The following ANKRD6 variants were observed in gnomAD, a reference collection of about 807,000 sequenced individuals.
ANKRD6 encodes the protein ankyrin repeat domain-containing protein 6.
A neutral mutation model predicts 82.3 loss-of-function variants in ANKRD6; 56 were observed. The observed-to-expected ratio is 0.68, with a 90% CI of 0.55 to 0.85. The LOEUF is 0.85. ANKRD6 is among the 40% of genes least tolerant of loss of function. ANKRD6 has a pLI of 0.00. For synonymous variants in ANKRD6, 347 were observed against 352.1 expected (o/e 0.99, Z 0.16); for missense variants, 852 against 907.6 (o/e 0.94, Z 0.79).
chr6:89,623,754 C>T, intron 11 of ANKRD6, 118 bp from the exon 12 acceptor site: 2 of 1,277,530 alleles, frequency 1.6e-6, no homozygotes, highest in South Asian at 1.5e-5. Flanking sequence ...AGTAGGACAC[C>T]ATGAGGTGAA....
At position 89,567,033 on chromosome 6, in the gene ANKRD6, C is replaced by T. The variant is rs1198432705; in HGVS notation, c.57C>T (p.Tyr19=). 2.5e-6 allele frequency: 4 copies of T among 1,607,584 alleles called. No homozygotes were observed. The highest frequency in any genetic ancestry group is 1.3e-5 in the African/African-American group (1 of 74,980). Residue 19 remains tyrosine, a synonymous_variant, in exon 2 of 16, where the codon TAC becomes TAT. Transcript: ENST00000339746. The stretch of plus-strand genomic sequence containing the variant: ...CAGAGCGCCTTCTCGTAGCTGCGTA[C>T]AAAGGCCAAACAGAGAATGTGGTTC... ...ALSERLLVAA[Y]KGQTENVVQL...
At chr6:89,548,131 G>A (rs770180673) in intron 1 of ANKRD6, among the ~76,000 whole-genome samples, 18 of 152,110 alleles carry the variant, frequency 1.2e-4, no homozygotes, top group South Asian at 2.1e-4. Flanking sequence ...GTCAGTCATC[G>A]CCACTAAATC....
chr6:89,527,733 T>G (rs1782677869), intron 1 of ANKRD6, among the ~76,000 whole-genome samples: 1 of 152,134 alleles, frequency 6.6e-6, no homozygotes, highest in South Asian at 2.1e-4. Context: ...GTGGAGGATC[T>G]TACCTCAGTG....
intron 1 of ANKRD6, among the ~76,000 whole-genome samples, chr6:89,525,327 G>T (rs1273137777): frequency 2.0e-5 from 3 of 151,088 alleles, no homozygotes; most frequent in African/African-American, 7.3e-5. Context: ...CTGTGCCCAG[G>T]CTCCCTCCCT....
At chr6:89,508,160 G>A (rs1013442591) in intron 1 of ANKRD6, among the ~76,000 whole-genome samples, 1 of 152,132 alleles carries the variant, frequency 6.6e-6, no homozygotes, top group Admixed American at 6.6e-5. Context: ...TAAACATTTA[G>A]TATTCCGTAC....
At chr6:89,611,454 T>C (rs901182086) in intron 5 of ANKRD6, among the ~76,000 whole-genome samples, 52 of 152,330 alleles carry the variant, frequency 3.4e-4, no homozygotes, top group African/African-American at 1.2e-3. Context: ...TTGTTACTTT[T>C]CTAGGGGTTA....
intron 1 of ANKRD6, among the ~76,000 whole-genome samples, chr6:89,453,946 C>T (rs941082741): frequency 1.3e-5 from 2 of 151,950 alleles, no homozygotes; most frequent in African/African-American, 4.8e-5. Flanking sequence ...GGACTACAGG[C>T]ACCTGCCACC....
chr6:89,570,720 A>G (rs557188505), intron 2 of ANKRD6, among the ~76,000 whole-genome samples: 45 of 152,324 alleles, frequency 3.0e-4, no homozygotes, highest in Non-Finnish European at 6.0e-4. Flanking sequence ...ATGTACCAGA[A>G]TTTCATTCTT....
rs1420839830 is a variant in ANKRD6 at position 89,633,059 on chromosome 6, C to G, written c.*2055C>G. ...TTTGGTGGGAGTATTTTGATTACCT[C>G]CTACCCATCAGAAGCAGGCAGCTAA... On this transcript the variant is annotated 3_prime_UTR_variant, in exon 16 of 16. Coordinates refer to ENST00000339746, the MANE Select transcript of ANKRD6 (RefSeq NM_001242809.2). The G allele has an allele frequency of 6.6e-6, 1 of 152,206 alleles. No individual in the cohort carries two copies. The highest frequency in any genetic ancestry group is 2.4e-5 in the African/African-American group (1 of 41,450). 9.4% of individuals were successfully genotyped at this position (152,206 alleles called of 1,614,324 possible).
chr6:89,496,179 C>CCG (rs1778598287), intron 1 of ANKRD6, among the ~76,000 whole-genome samples: 1 of 151,404 alleles, frequency 6.6e-6, no homozygotes, highest in Admixed American at 6.6e-5. Context: ...CCACACTGCC[C>CCG]CCCCCCCCAC....
chr6:89,560,578 C>T (rs951442594), intron 1 of ANKRD6, among the ~76,000 whole-genome samples: 3 of 152,178 alleles, frequency 2.0e-5, no homozygotes, highest in South Asian at 4.1e-4. Flanking sequence ...AATCCCAGCA[C>T]TTTGGGAGGC....
intron 2 of ANKRD6, among the ~76,000 whole-genome samples, chr6:89,568,607 C>T (rs986012121): frequency 1.3e-5 from 2 of 151,900 alleles, no homozygotes; most frequent in African/African-American, 4.8e-5. Context: ...GATATAGGGC[C>T]TTTAGGAAGT....
chr6:89,532,919 G>A (rs1339249485), intron 1 of ANKRD6, among the ~76,000 whole-genome samples: 2 of 151,202 alleles, frequency 1.3e-5, no homozygotes, highest in Non-Finnish European at 2.9e-5. Context: ...CTGTTGCCCA[G>A]GCTGGAGCCA....
At chr6:89,558,435 T>G (rs1043007425) in intron 1 of ANKRD6, among the ~76,000 whole-genome samples, 5 of 152,166 alleles carry the variant, frequency 3.3e-5, no homozygotes, top group African/African-American at 1.2e-4. Context: ...AGGAGGAACC[T>G]TAAATGCATA....
chr6:89,592,345 G>A (rs1473814339), intron 2 of ANKRD6, among the ~76,000 whole-genome samples: 7 of 152,166 alleles, frequency 4.6e-5, no homozygotes, highest in East Asian at 1.9e-4. Flanking sequence ...GATGATGGAC[G>A]TTACCTCGTG....
rs1342101784 is a variant in ANKRD6 at position 89,602,164 on chromosome 6, C to T, written c.220-865C>T. Reference sequence around the variant, plus strand: ...TTTCCACACTGCCCACCCATCCTCCCTTTCAAGGCTGGACCACAGGCTCAG... The same window carrying T: ...TTTCCACACTGCCCACCCATCCTCCTTTTCAAGGCTGGACCACAGGCTCAG... On this transcript the variant is annotated intron_variant, in intron 3 of 15. Transcript: ENST00000339746. The T allele has an allele frequency of 2.0e-5, 3 of 152,350 alleles. No homozygotes were observed. The East Asian group carries it at 5.8e-4, about 29-fold the overall frequency. The allele number at this position is 152,350 out of a possible 1,614,324, so 9.4% of individuals were successfully genotyped here. A position where few individuals can be genotyped will look rare whatever the true frequency, so the allele number is the denominator to read the frequency against.
chr6:89,598,430 A>G, intron 3 of ANKRD6: 1 of 985,324 alleles, frequency 1.0e-6, no homozygotes, highest in Non-Finnish European at 1.2e-6. Context: ...AGAGAAAAAG[A>G]GGTCAGCAAC....
At chr6:89,491,376 C>G (rs986501993) in intron 1 of ANKRD6, among the ~76,000 whole-genome samples, 1 of 152,174 alleles carries the variant, frequency 6.6e-6, no homozygotes, top group African/African-American at 2.4e-5. Flanking sequence ...TTACTTCCCC[C>G]ACAACCCCTG....
chr6:89,614,595 G>A (rs969953489), intron 7 of ANKRD6, among the ~76,000 whole-genome samples: 4 of 152,130 alleles, frequency 2.6e-5, no homozygotes, highest in Non-Finnish European at 4.4e-5. Flanking sequence ...GCAGTGAACC[G>A]AGATCATGCT....
Sources: gnomAD v4.1 joint callset for allele counts (sites outside exome capture counted in the v4.1 genomes callset) on GRCh38, gnomAD v4.1.1 for gene constraint, MANE v1.5 for transcripts, NCBI Gene and HGNC (gene_info 2026-07-23, HGNC 2026-07-21) for gene names.